Variants in KANSL1 observed in about 807,000 individuals in gnomAD.
KANSL1 encodes the protein MLL1/MLL complex subunit KANSL1.
Under a neutral mutation model 103.6 loss-of-function variants are expected in KANSL1, and 22 were observed. The observed-to-expected ratio is 0.21, with a 90% confidence interval of 0.15 to 0.30. The LOEUF (loss-of-function observed/expected upper bound fraction) is 0.30, where lower values mean the gene tolerates loss of function less well. Among genes scored for constraint, KANSL1 ranks in the 10% least tolerant of loss-of-function variants. The pLI is 1.00. For missense variants in KANSL1, 1,337 were observed against 1,399.8 expected (o/e 0.96, Z 0.72); for synonymous variants, 600 against 527.6 (o/e 1.14, Z -1.88).
intron 2 of KANSL1, among the ~76,000 whole-genome samples, chr17:46,111,279 C>T (rs62061823): frequency 0.14 from 21,667 of 151,956 alleles, 2,125 homozygotes; most frequent in Non-Finnish European, 0.22. Flanking sequence ...GGCGTGATCT[C>T]GGCTTACTGC....
chr17:46,149,747 C>A (rs2044972377), intron 2 of KANSL1, among the ~76,000 whole-genome samples: 1 of 152,150 alleles, frequency 6.6e-6, no homozygotes, highest in Admixed American at 6.5e-5. Context: ...GTGGCTCACG[C>A]CTGTAATGCC....
chr17:46,180,650 C>T (rs1475153017), intron 1 of KANSL1, among the ~76,000 whole-genome samples: 1 of 152,150 alleles, frequency 6.6e-6, no homozygotes, highest in Non-Finnish European at 1.5e-5. Context: ...TGAGCCACTG[C>T]ATTTCAGCCA....
intron 2 of KANSL1, among the ~76,000 whole-genome samples, chr17:46,135,542 A>ATTTTTTTT (rs34258265): frequency 0.084 from 9,911 of 117,514 alleles, 16 homozygotes; most frequent in Non-Finnish European, 0.12. Context: ...TCAACTATAC[A>ATTTTTTTT]TTTTTTTTTT....
intron 1 of KANSL1, among the ~76,000 whole-genome samples, chr17:46,206,825 T>A (rs887423393): frequency 3.6e-4 from 55 of 152,064 alleles, no homozygotes; most frequent in Admixed American, 2.0e-3. Flanking sequence ...TTTGGCTTCA[T>A]CAGAATTATA....
chr17:46,155,309 G>A (rs1333160487), intron 2 of KANSL1, among the ~76,000 whole-genome samples: 2 of 151,908 alleles, frequency 1.3e-5, no homozygotes, highest in Admixed American at 6.6e-5. Context: ...AGGCGTGTGC[G>A]ACCATGCCCA....
intron 2 of KANSL1, among the ~76,000 whole-genome samples, chr17:46,127,813 G>C (rs1233810867): frequency 6.6e-6 from 1 of 151,950 alleles, no homozygotes; most frequent in Non-Finnish European, 1.5e-5. Context: ...TGACTGAATA[G>C]AACACAATTC....
intron 6 of KANSL1, among the ~76,000 whole-genome samples, chr17:46,052,422 T>C (rs183392054): frequency 2.1e-4 from 32 of 150,996 alleles, no homozygotes; most frequent in Admixed American, 2.0e-3. Context: ...CTGGCCAACA[T>C]GGTGAAACCC....
Position 46,036,168 on chromosome 17 carries a change from G to C in KANSL1, c.2542-1883C>G, listed in dbSNP as rs190093520. 8.5e-4 allele frequency among the ~76,000 whole-genome samples: 129 copies of C among 152,296 alleles called. 1 individual carries two copies. The highest frequency in any genetic ancestry group is 2.9e-3 in the African/African-American group (122 of 41,566). ...TCCTGGGCTGAAGAGATCTTCCTGA[G>C]TAGCTGGAGCTACAGGCATGCAATA... On this transcript the variant is annotated intron_variant, in intron 10 of 14. Transcript: ENST00000432791.
intron 1 of KANSL1, among the ~76,000 whole-genome samples, chr17:46,187,758 T>C (rs2047099346): frequency 6.6e-6 from 1 of 152,264 alleles, no homozygotes; most frequent in African/African-American, 2.4e-5. Flanking sequence ...CTACTCTATT[T>C]AAAAGGTCTC....
rs2077769956 is a variant in KANSL1, at chr17:46,052,963, C to CAAAAAAA, written c.1849-2260_1849-2259insTTTTTTT. Among the ~76,000 whole-genome samples, 18 of 43,160 alleles carry CAAAAAAA rather than the reference C, an allele frequency of 4.2e-4. 3 individuals carry two copies. Among genetic ancestry groups the CAAAAAAA allele is most frequent in the African/African-American group, 1.7e-3 (17 of 9,824 alleles). 28.3% of individuals were successfully genotyped at this position (43,160 alleles called of 152,430 possible). On this transcript the variant is annotated intron_variant, in intron 6 of 14. Coordinates refer to ENST00000432791, the MANE Select transcript of KANSL1 (RefSeq NM_015443.4). The stretch of plus-strand genomic sequence containing the variant: ...TGGGAAAAAGAGTAAGATCCTGTCT[C>CAAAAAAA]CAAAAAAAAAAAAAAAAAAAAAAAA...
chr17:46,061,152 C>A (rs560820518), intron 6 of KANSL1, among the ~76,000 whole-genome samples: 3 of 152,170 alleles, frequency 2.0e-5, no homozygotes, highest in East Asian at 1.9e-4. Flanking sequence ...GTTTCCACTG[C>A]CAGACTATAC....
At chr17:46,095,506 C>A (rs534083742) in intron 2 of KANSL1, among the ~76,000 whole-genome samples, 1 of 152,060 alleles carries the variant, frequency 6.6e-6, no homozygotes, top group African/African-American at 2.4e-5. Flanking sequence ...AGTGCAGAAA[C>A]GATCAAACTA....
chr17:46,175,192 T>C (rs932733374), intron 1 of KANSL1, among the ~76,000 whole-genome samples: 2 of 152,180 alleles, frequency 1.3e-5, no homozygotes, highest in Non-Finnish European at 2.9e-5. Flanking sequence ...AGGACCACAG[T>C]AAGCTTCTTT....
At chr17:46,033,942 GGCCTA>G (rs1269450154) in intron 11 of KANSL1, among the ~76,000 whole-genome samples, 1 of 152,212 alleles carries the variant, frequency 6.6e-6, no homozygotes, top group African/African-American at 2.4e-5. Context: ...GTAAGTGAAT[GGCCTA>G]CCAGGCTGTG....
intron 8 of KANSL1, chr17:46,039,431 A>T (rs1277173557): frequency 1.7e-6 from 1 of 604,100 alleles, no homozygotes; most frequent in East Asian, 2.9e-5. Flanking sequence ...TACAGAAGAC[A>T]CCTGCCCGTA....
At chr17:46,067,735 C>A in intron 4 of KANSL1, 68 bp from the exon 5 acceptor site, 1 of 793,060 alleles carries the variant, frequency 1.3e-6, no homozygotes, top group Non-Finnish European at 2.2e-6. Flanking sequence ...AAAGCACCAC[C>A]ACTTCATTTG....
intron 3 of KANSL1, among the ~76,000 whole-genome samples, chr17:46,089,175 T>G (rs1463049117): frequency 1.3e-5 from 2 of 152,178 alleles, no homozygotes; most frequent in Non-Finnish European, 2.9e-5. Context: ...TGGAAGAGTT[T>G]CTTTTTAAAA....
chr17:46,123,711 G>A (rs2043387621), intron 2 of KANSL1, among the ~76,000 whole-genome samples: 1 of 152,236 alleles, frequency 6.6e-6, no homozygotes, highest in Non-Finnish European at 1.5e-5. Flanking sequence ...TGAGGAAGCT[G>A]CAGAAGCAAA....
intron 2 of KANSL1, among the ~76,000 whole-genome samples, chr17:46,167,669 A>G (rs1158082217): frequency 2.0e-5 from 3 of 152,266 alleles, no homozygotes; most frequent in African/African-American, 7.2e-5. Context: ...AAATCAGTCA[A>G]CCATAAAAAT....
Sources: allele counts gnomAD v4.1 joint callset (sites outside exome capture counted in the v4.1 genomes callset), GRCh38; gene constraint gnomAD v4.1.1; transcripts MANE v1.5; gene names NCBI Gene and HGNC (gene_info 2026-07-23, HGNC 2026-07-21).